Variants in CACNA2D4 observed in about 807,000 individuals in gnomAD.
The protein encoded by CACNA2D4 is calcium voltage-gated channel auxiliary subunit alpha2delta 4.
In CACNA2D4, 157 loss-of-function variants were observed where a neutral mutation model predicts 163.8. The observed-to-expected ratio is 0.96, with a 90% confidence interval of 0.84 to 1.09. The LOEUF is 1.09. CACNA2D4 is among the 50% of genes least tolerant of loss of function. CACNA2D4 has a pLI of 0.00. For synonymous variants in CACNA2D4, 598 were observed against 586.9 expected, an observed-to-expected ratio of 1.02 and a Z score of -0.27; for missense variants, 1,410 against 1,479.9, an observed-to-expected ratio of 0.95 and a Z score of 0.78.
rs2154453807 is a variant in CACNA2D4 at position 1,917,628 on chromosome 12, C to A, written c.227+619G>T. On this transcript the variant is annotated intron_variant, in intron 1 of 37. Transcript: ENST00000382722. The surrounding 1 kb of genome is among the most constrained non-coding windows in gnomAD (Gnocchi z 4.3). The stretch of plus-strand genomic sequence containing the variant: ...AGTAATTTACATGTACACCAAGGTG[C>A]ACATGACTGATACCGGGTTCTTTCC... Among the ~76,000 whole-genome samples the A allele has an allele frequency of 6.6e-6, 1 of 152,318 alleles. No homozygotes were observed. The highest frequency in any genetic ancestry group is 1.9e-4 in the East Asian group (1 of 5,184).
chr12:1,914,614 A>C (rs1229662126), intron 2 of CACNA2D4, among the ~76,000 whole-genome samples: 1 of 151,936 alleles, frequency 6.6e-6, no homozygotes, highest in Non-Finnish European at 1.5e-5. Flanking sequence ...GTCTAATTCC[A>C]CCTTGGCCTC....
chr12:1,913,192 T>C, intron 2 of CACNA2D4, 53 bp from the exon 3 acceptor site: 2 of 1,280,190 alleles, frequency 1.6e-6, no homozygotes, highest in South Asian at 2.4e-5. Flanking sequence ...ACCAGGATAG[T>C]TGCACCTGTG....
intron 25 of CACNA2D4, among the ~76,000 whole-genome samples, chr12:1,842,549 C>T (rs1260041839): frequency 6.6e-6 from 1 of 152,240 alleles, no homozygotes; most frequent in Non-Finnish European, 1.5e-5. Flanking sequence ...CGCCTCCCTC[C>T]TCACCAGGCC....
At chr12:1,831,035 C>T (rs759826864) in intron 26 of CACNA2D4, 7 of 1,614,136 alleles carry the variant, frequency 4.3e-6, no homozygotes, top group South Asian at 3.3e-5. Context: ...ACTGCAGTGG[C>T]CTTGGCCTCA....
Position 1,883,114 on chromosome 12 carries a change from A to C in CACNA2D4, c.1352-114T>G. Reference sequence around the variant, plus strand: ...GCTCATAGCCGAATACTCTCTGGAAACTGGACCGGGGCACAGGGAGCTGCT... The same window carrying C: ...GCTCATAGCCGAATACTCTCTGGAACCTGGACCGGGGCACAGGGAGCTGCT... On this transcript the variant is annotated intron_variant, in intron 12 of 37. Transcript: ENST00000382722. This position sits in a 1 kb window ranked among gnomAD's most constrained non-coding sequence, Gnocchi z 4.5. 11 of 1,223,568 alleles carry C rather than the reference A, an allele frequency of 9.0e-6. No individual in the cohort carries two copies. The highest frequency in any genetic ancestry group is 1.2e-5 in the Non-Finnish European group (11 of 885,474). 75.8% of individuals were successfully genotyped at this position (1,223,568 alleles called of 1,614,324 possible). A position where few individuals can be genotyped will look rare whatever the true frequency, so the allele number is the denominator to read the frequency against.
At chr12:1,812,557 T>C (rs1281416460) in intron 26 of CACNA2D4, among the ~76,000 whole-genome samples, 1 of 152,222 alleles carries the variant, frequency 6.6e-6, no homozygotes, top group African/African-American at 2.4e-5. Flanking sequence ...TATAATAATA[T>C]CAAAACTGCG....
chr12:1,793,908 A>G (rs1321513474), intron 37 of CACNA2D4, 149 bp from the exon 38 acceptor site: 16 of 638,226 alleles, frequency 2.5e-5, no homozygotes, highest in Non-Finnish European at 4.1e-5. Flanking sequence ...TTAGGCCCCT[A>G]CCTTTTGGGG....
intron 26 of CACNA2D4, among the ~76,000 whole-genome samples, chr12:1,824,032 G>A (rs1035964084): frequency 6.6e-6 from 1 of 152,192 alleles, no homozygotes; most frequent in Non-Finnish European, 1.5e-5. Flanking sequence ...TCCCCCATCT[G>A]CAAAATGATA....
Position 1,883,977 on chromosome 12 carries a change from C to T in CACNA2D4, c.1351+266G>A. On this transcript the variant is annotated intron_variant, in intron 12 of 37. Transcript: ENST00000382722. The surrounding 1 kb of genome is among the most constrained non-coding windows in gnomAD (Gnocchi z 4.5). ...ACATTATTCCAGAGAAAACAGTGAC[C>T]CTCTGCTTTTTGTCTGGGAGCAGAA... The T allele has an allele frequency of 8.3e-6, 4 of 483,468 alleles. No homozygotes were observed. The highest frequency in any genetic ancestry group is 1.5e-5 in the Non-Finnish European group (4 of 270,632). 29.9% of individuals were successfully genotyped at this position (483,468 alleles called of 1,614,324 possible). A position where few individuals can be genotyped will look rare whatever the true frequency, so the allele number is the denominator to read the frequency against.
chr12:1,799,987 T>C lies in CACNA2D4; in HGVS notation c.2974+13A>G. The C allele has an allele frequency of 6.2e-7, 1 of 1,600,368 alleles. No individual in the cohort carries two copies. Among genetic ancestry groups the C allele is most frequent in the South Asian group, 1.1e-5 (1 of 88,354 alleles). ...GCTCTTCAGCACATGGCCCTGCAGC[T>C]CCGTGCACTCACCCTCGGCCCCTCT... On this transcript the variant is annotated intron_variant, in intron 33 of 37. Coordinates refer to ENST00000382722, the MANE Select transcript of CACNA2D4 (RefSeq NM_172364.5). The surrounding 1 kb of genome is among the most constrained non-coding windows in gnomAD (Gnocchi z 4.7).
chr12:1,880,858 A>G (rs1028542075), intron 13 of CACNA2D4, among the ~76,000 whole-genome samples: 3 of 152,230 alleles, frequency 2.0e-5, no homozygotes, highest in Non-Finnish European at 4.4e-5. Flanking sequence ...TTCCTGAGTT[A>G]GGAATGCATG....
intron 18 of CACNA2D4, among the ~76,000 whole-genome samples, chr12:1,860,668 T>C (rs4590933): frequency 0.066 from 9,979 of 152,164 alleles, 796 homozygotes; most frequent in East Asian, 0.41. Flanking sequence ...AGCCCATGTA[T>C]ACATACACAA....
At chr12:1,907,269 T>C (rs1866681572) in intron 6 of CACNA2D4, among the ~76,000 whole-genome samples, 171 bp downstream of exon 6, 1 of 152,248 alleles carries the variant, frequency 6.6e-6, no homozygotes, top group South Asian at 2.1e-4. Context: ...CCCTTTAATA[T>C]GTGCATATCA....
At chr12:1,857,293 G>A (rs906151733) in intron 20 of CACNA2D4, among the ~76,000 whole-genome samples, 1 of 152,220 alleles carries the variant, frequency 6.6e-6, no homozygotes, top group South Asian at 2.1e-4. Flanking sequence ...TGACAGCTAA[G>A]CTGGGGCCTG....
chr12:1,898,538 C>G (rs530423856), intron 6 of CACNA2D4, among the ~76,000 whole-genome samples: 6 of 151,320 alleles, frequency 4.0e-5, no homozygotes, highest in Admixed American at 1.3e-4. Context: ...CTACCTCACA[C>G]CCATTAGGAT....
Position 1,834,292 on chromosome 12 carries a change from C to T in CACNA2D4, c.2551+6447G>A. The T allele has an allele frequency of 1.3e-6, 2 of 1,597,304 alleles. No individual in the cohort carries two copies. Among genetic ancestry groups the T allele is most frequent in the Non-Finnish European group, 1.7e-6 (2 of 1,170,468 alleles). On this transcript the variant is annotated intron_variant, in intron 26 of 37. Transcript: ENST00000382722. The surrounding 1 kb of genome is among the most constrained non-coding windows in gnomAD (Gnocchi z 7.6). ...GGGGACGCTTGGACCAGCTTGCCTGCACCCTGCCCAAGGAGCTGAGGGGGA... is the reference window on the plus strand; with the variant it reads ...GGGGACGCTTGGACCAGCTTGCCTGTACCCTGCCCAAGGAGCTGAGGGGGA...
At position 1,798,455 on chromosome 12, in the gene CACNA2D4, G is replaced by A. The variant is rs1863202418; in HGVS notation, c.2996-920C>T. 6.6e-6 allele frequency among the ~76,000 whole-genome samples: 1 copy of A among 152,200 alleles called. No individual in the cohort carries two copies. Among genetic ancestry groups the A allele is most frequent in the South Asian group, 2.1e-4 (1 of 4,828 alleles). ...GCTCCCAGCCAGAGCTGGAAACCCA[G>A]AGGGGACACTAGCTGGCGTGCAGAA... On this transcript the variant is annotated intron_variant, in intron 34 of 37. Transcript: ENST00000382722. This position sits in a 1 kb window ranked among gnomAD's most constrained non-coding sequence, Gnocchi z 4.3.
At chr12:1,879,162 C>T (rs918842551) in intron 14 of CACNA2D4, 126 bp from the exon 15 acceptor site, 15 of 654,636 alleles carry the variant, frequency 2.3e-5, no homozygotes, top group Non-Finnish European at 3.5e-5. Context: ...TCTTCCTCTG[C>T]AATTAGATTC....
At position 1,856,097 on chromosome 12, in the gene CACNA2D4, G is replaced by A; in HGVS notation, c.2067C>T (p.Ile689=). The A allele has an allele frequency of 1.2e-6, 2 of 1,613,942 alleles. No individual in the cohort carries two copies. The highest frequency in any genetic ancestry group is 1.7e-6 in the Non-Finnish European group (2 of 1,179,850). The change falls in exon 22 of 38, where the codon ATC becomes ATT. Residue 689 remains isoleucine (I), a synonymous_variant. Transcript: ENST00000382722. The part of the protein sequence containing the change: ...LALAGDWIYC[I]TDIDPDHRKL... ...TCCGGTGGTCTGGGTCAATATCTGT[G>A]ATGCAGTAGATCCTGAAACCCAGGA...
Sources: allele counts gnomAD v4.1 joint callset (sites outside exome capture counted in the v4.1 genomes callset), GRCh38; gene constraint gnomAD v4.1.1; non-coding constraint Gnocchi (gnomAD v3.1); transcripts MANE v1.5; gene names NCBI Gene and HGNC (gene_info 2026-07-23, HGNC 2026-07-21).